The following PLCL1 variants were observed in gnomAD, a reference collection of about 807,000 sequenced individuals.
PLCL1 encodes the protein phospholipase C like 1 (inactive).
A neutral mutation model predicts 84.4 loss-of-function variants in PLCL1; 41 were observed. The ratio of observed to expected loss-of-function variants is 0.49; its 90% CI spans 0.38 to 0.63. The LOEUF is 0.63. Among genes scored for constraint, PLCL1 ranks in the 30% least tolerant of loss-of-function variants. The pLI, the probability that PLCL1 is intolerant of heterozygous loss-of-function variation, is 0.00. For missense variants in PLCL1, 1,206 were observed against 1,367.8 expected (o/e 0.88, Z 1.87); for synonymous variants, 490 against 488.3 (o/e 1.00, Z -0.05).
chr2:197,913,911 C>G (rs909475647), intron 1 of PLCL1, among the ~76,000 whole-genome samples: 1 of 151,744 alleles, frequency 6.6e-6, no homozygotes, highest in South Asian at 2.1e-4. Flanking sequence ...AACAATTCAC[C>G]CATCTCGAAT....
At chr2:197,914,399 G>A (rs1024751053) in intron 1 of PLCL1, among the ~76,000 whole-genome samples, 2 of 150,356 alleles carry the variant, frequency 1.3e-5, no homozygotes, top group Admixed American at 1.3e-4. Flanking sequence ...GCACAATCTC[G>A]GCTCACCTCA....
At position 197,856,413 on chromosome 2, in the gene PLCL1, A is replaced by G. The variant is rs528581240; in HGVS notation, c.240+51074A>G. On this transcript the variant is annotated intron_variant, in intron 1 of 5. Coordinates refer to ENST00000428675, the MANE Select transcript of PLCL1 (RefSeq NM_006226.4). ...TGCTGTTTGGCTTACTGTTACTACA[A>G]TGACAGTTTTCTAAATGTTATTTTT... Among the ~76,000 whole-genome samples, 5 of 152,318 alleles carry G rather than the reference A, an allele frequency of 3.3e-5. No individual in the cohort carries two copies. In the East Asian group the frequency reaches 9.6e-4, roughly 29 times the overall value.
chr2:197,991,392 T>C (rs1290769705), intron 1 of PLCL1, among the ~76,000 whole-genome samples: 1 of 152,034 alleles, frequency 6.6e-6, no homozygotes, highest in Non-Finnish European at 1.5e-5. Flanking sequence ...CAATTACTCA[T>C]AATCTCTCTC....
intron 1 of PLCL1, among the ~76,000 whole-genome samples, chr2:197,913,836 G>C (rs1688537567): frequency 1.3e-5 from 2 of 151,762 alleles, no homozygotes; most frequent in African/African-American, 4.8e-5. Flanking sequence ...TGGAGGCAAA[G>C]TTTTCTCTTT....
At chr2:198,133,086 A>G (rs1323376784) in intron 5 of PLCL1, among the ~76,000 whole-genome samples, 1 of 152,032 alleles carries the variant, frequency 6.6e-6, no homozygotes, top group Non-Finnish European at 1.5e-5. Context: ...TAAATAGGGA[A>G]TCCTTTCCCC....
rs143055059 is a variant in PLCL1 at position 197,819,754 on chromosome 2, A to C, written c.240+14415A>C. Among the ~76,000 whole-genome samples, 638 of 152,260 alleles carry C rather than the reference A, an allele frequency of 4.2e-3. 3 individuals are homozygous for C. Among genetic ancestry groups the C allele is most frequent in the African/African-American group, 0.015 (612 of 41,564 alleles). On this transcript the variant is annotated intron_variant, in intron 1 of 5. Transcript: ENST00000428675. ...GGTTTCTTTCAAGCGTTCATGTTAT[A>C]GAATAATAATGAGCACACCATTGTC...
chr2:197,926,034 G>A (rs987034793), intron 1 of PLCL1, among the ~76,000 whole-genome samples: 3 of 152,142 alleles, frequency 2.0e-5, no homozygotes, highest in African/African-American at 7.2e-5. Context: ...CTTTGAGGGG[G>A]TCTTGTTTTC....
At position 197,864,865 on chromosome 2, in the gene PLCL1, A is replaced by G. The variant is rs1687500260; in HGVS notation, c.240+59526A>G. On this transcript the variant is annotated intron_variant, in intron 1 of 5. Transcript: ENST00000428675. Reference sequence around the variant, plus strand: ...AAAATCAGCAGTTACAGAAGCGGTTAAGAACTTCCTTGTGAAAGCAATGTT... The same window carrying G: ...AAAATCAGCAGTTACAGAAGCGGTTGAGAACTTCCTTGTGAAAGCAATGTT... Among the ~76,000 whole-genome samples, 7 of 152,234 alleles carry G rather than the reference A, an allele frequency of 4.6e-5. No individual in the cohort carries two copies. In the South Asian group the frequency reaches 1.4e-3, roughly 32 times the overall value.
Position 198,085,640 on chromosome 2 carries a change from G to A in PLCL1, c.2123G>A (p.Ser708Asn), listed in dbSNP as rs753326991. 1 of 1,613,804 alleles carries A rather than the reference G, an allele frequency of 6.2e-7. No individual in the cohort carries two copies. Among genetic ancestry groups the A allele is most frequent in the Non-Finnish European group, 8.5e-7 (1 of 1,179,700 alleles). ...SIMRDEVSYFSANTKGILPGV... is the reference protein window; with the variant it reads ...SIMRDEVSYFNANTKGILPGV... ...ATGCGAGATGAAGTTTCTTACTTCA[G>A]CGCAAATACAAAGGGCATTCTACCT... The change falls in exon 2 of 6, where the codon AGC becomes AAC. Residue 708 changes from serine (S) to asparagine (N), a missense_variant. Coordinates refer to ENST00000428675, the MANE Select transcript of PLCL1 (RefSeq NM_006226.4). This position sits in a 1 kb window ranked among gnomAD's most constrained non-coding sequence, Gnocchi z 5.3.
At position 197,905,792 on chromosome 2, in the gene PLCL1, G is replaced by GT. The variant is rs536381994; in HGVS notation, c.240+100457dup. Among the ~76,000 whole-genome samples, 493 of 152,236 alleles carry GT rather than the reference G, an allele frequency of 3.2e-3. 3 individuals carry two copies. The highest frequency in any genetic ancestry group is 0.011 in the African/African-American group (474 of 41,530). On this transcript the variant is annotated intron_variant, in intron 1 of 5. Coordinates refer to ENST00000428675, the MANE Select transcript of PLCL1 (RefSeq NM_006226.4). ...TGGCGTGAGATGGTATCTCATTGTG[G>GT]TTTTGATTTGCATTTCTCTAATGAC...
intron 1 of PLCL1, among the ~76,000 whole-genome samples, chr2:197,817,587 C>A (rs1164913010): frequency 2.0e-5 from 3 of 152,054 alleles, no homozygotes; most frequent in East Asian, 1.9e-4. Flanking sequence ...GTTTAGGTAA[C>A]CTTTTGATCC....
At chr2:198,035,500 G>T (rs79905648) in intron 1 of PLCL1, among the ~76,000 whole-genome samples, 2,339 of 152,116 alleles carry the variant, frequency 0.015, 54 homozygotes, top group African/African-American at 0.049. Flanking sequence ...TTTGTTTTTG[G>T]TTTTTTTCCA....
In PLCL1 at chr2:197,963,737, T is replaced by C. The variant is rs145098174; in HGVS notation, c.241-120021T>C. On this transcript the variant is annotated intron_variant, in intron 1 of 5. Transcript: ENST00000428675. ...GTTTGAGGTCTTAGATTTAAGTCTT[T>C]AATTCATTTTGATTTGATTTTTGTA... Among the ~76,000 whole-genome samples the C allele has an allele frequency of 5.5e-3, 831 of 152,294 alleles. 8 individuals carry two copies. Among genetic ancestry groups the C allele is most frequent in the African/African-American group, 0.018 (761 of 41,578 alleles).
intron 4 of PLCL1, among the ~76,000 whole-genome samples, chr2:198,102,573 C>G (rs564545489): frequency 1.3e-5 from 2 of 152,216 alleles, no homozygotes; most frequent in Non-Finnish European, 2.9e-5. Context: ...AGCGTTCACT[C>G]CTGGAGGCAA....
At chr2:198,061,631 G>A (rs1336255018) in intron 1 of PLCL1, among the ~76,000 whole-genome samples, 1 of 151,924 alleles carries the variant, frequency 6.6e-6, no homozygotes, top group South Asian at 2.1e-4. Context: ...GACAAGTCTC[G>A]CTCTGTCGCC....
chr2:198,044,639 C>T (rs1691745141), intron 1 of PLCL1, among the ~76,000 whole-genome samples: 1 of 152,056 alleles, frequency 6.6e-6, no homozygotes, highest in African/African-American at 2.4e-5. Context: ...TTTAGTAAGA[C>T]TTTAAACTGT....
At chr2:198,091,954 A>G (rs574240844) in intron 3 of PLCL1, among the ~76,000 whole-genome samples, 279 of 121,788 alleles carry the variant, frequency 2.3e-3, no homozygotes, top group Non-Finnish European at 4.2e-3. Context: ...TCACAACCTC[A>G]CCCGTCTCTC....
intron 1 of PLCL1, among the ~76,000 whole-genome samples, chr2:198,060,312 G>C (rs1692162226): frequency 6.6e-6 from 1 of 152,182 alleles, no homozygotes; most frequent in Non-Finnish European, 1.5e-5. Context: ...GAAAATTTAT[G>C]ATCTAATTTT....
At chr2:198,103,434 CA>C (rs1693392441) in intron 4 of PLCL1, among the ~76,000 whole-genome samples, 1 of 151,970 alleles carries the variant, frequency 6.6e-6, no homozygotes, top group East Asian at 1.9e-4. Flanking sequence ...GTGTTACAAA[CA>C]ATCCAATTAT....
Sources: gnomAD v4.1 joint callset for allele counts (sites outside exome capture counted in the v4.1 genomes callset) on GRCh38, gnomAD v4.1.1 for gene constraint, Gnocchi (gnomAD v3.1) non-coding constraint, MANE v1.5 for transcripts, NCBI Gene and HGNC (gene_info 2026-07-23, HGNC 2026-07-21) for gene names.